The following CHD1L variants were observed in gnomAD, a reference collection of about 807,000 sequenced individuals.
CHD1L encodes the protein ATP-dependent chromatin remodeler CHD1L.
CHD1L carries 118 observed loss-of-function variants against 115.9 expected under a neutral mutation model. The ratio of observed to expected loss-of-function variants is 1.02; its 90% CI spans 0.88 to 1.19. The LOEUF is 1.19. CHD1L is among the 50% of genes most tolerant of loss of function. The pLI is 0.00. For missense variants in CHD1L, 1,179 were observed against 1,065.3 expected (o/e 1.11, Z -1.49); for synonymous variants, 411 against 387.1 (o/e 1.06, Z -0.72).
intron 2 of CHD1L, among the ~76,000 whole-genome samples, chr1:147,254,340 TAGCA>T (rs1669348872): frequency 1.9e-5 from 2 of 104,046 alleles, no homozygotes; most frequent in Non-Finnish European, 5.1e-5. Context: ...GGACAGTGCC[TAGCA>T]AATAGAAGAC....
chr1:147,264,359 G>A (rs187992727), intron 6 of CHD1L, 63 bp from the exon 7 acceptor site: 13 of 1,397,370 alleles, frequency 9.3e-6, no homozygotes. Context: ...AGGTTGTGAT[G>A]GGTAACTCAG....
chr1:147,259,815 A>G (rs1553942658), intron 5 of CHD1L, 22 bp from the exon 6 acceptor site: 1 of 1,601,240 alleles, frequency 6.2e-7, no homozygotes. Flanking sequence ...ACAAAACTGA[A>G]AGCTTGGGTT....
chr1:147,226,991 G>A, the CHD1L span, among the ~76,000 whole-genome samples: 3 of 152,012 alleles, frequency 2.0e-5, no homozygotes, highest in Non-Finnish European at 2.9e-5. Flanking sequence ...CACCACACCT[G>A]GTAATTTTTG....
intron 5 of CHD1L, among the ~76,000 whole-genome samples, chr1:147,258,458 T>G (rs1670830606): frequency 6.6e-6 from 1 of 152,180 alleles, no homozygotes; most frequent in South Asian, 2.1e-4. Flanking sequence ...CCAGGCACCA[T>G]CCTAGAGAAA....
At chr1:147,244,030 T>C (rs1370511412) in intron 1 of CHD1L, among the ~76,000 whole-genome samples, 2 of 152,230 alleles carry the variant, frequency 1.3e-5, no homozygotes, top group African/African-American at 4.8e-5. Flanking sequence ...GTAAGGAGTA[T>C]GTATCCAGTT....
At chr1:147,266,717 T>G (rs587649896) in intron 8 of CHD1L, among the ~76,000 whole-genome samples, 1 of 152,192 alleles carries the variant, frequency 6.6e-6, no homozygotes, top group Non-Finnish European at 1.5e-5. Context: ...TTGGATATTC[T>G]AAAGAAGCCA....
chr1:147,225,708 A>C, the CHD1L span: 17 of 152,412 alleles, frequency 1.1e-4, no homozygotes, highest in Admixed American at 5.9e-4. Context: ...TTCTACTCCA[A>C]ATGCTTAAAT....
chr1:147,178,098 AC>A, the CHD1L span: 2 of 1,532,012 alleles, frequency 1.3e-6, no homozygotes, highest in Non-Finnish European at 8.8e-7. Context: ...GGCTGCCCCC[AC>A]CCCACCTCGC....
the CHD1L span, among the ~76,000 whole-genome samples, chr1:147,181,383 G>A: frequency 2.0e-5 from 3 of 152,300 alleles, no homozygotes; most frequent in African/African-American, 7.2e-5. Context: ...GCTAAGCAGA[G>A]GGTGCCTATG....
chr1:147,211,050 G>C, the CHD1L span: 2 of 152,164 alleles, frequency 1.3e-5, no homozygotes. Flanking sequence ...TTAGAACTCA[G>C]CAATTGAGTT....
At chr1:147,275,198 A>C (rs1553956486) in intron 12 of CHD1L, among the ~76,000 whole-genome samples, 156 bp from the exon 13 acceptor site, 1 of 152,208 alleles carries the variant, frequency 6.6e-6, no homozygotes, top group African/African-American at 2.4e-5. Flanking sequence ...CGCTGGAACA[A>C]GGCTTTGGAG....
At chr1:147,239,128 G>T (rs10900329), upstream of CHD1L, among the ~76,000 whole-genome samples, 77,417 of 151,970 alleles carry the variant, frequency 0.51, 22,232 homozygotes, top group African/African-American at 0.77. Flanking sequence ...TTTACTTTCT[G>T]GTAATCATTT....
At chr1:147,216,723 G>A in the CHD1L span, among the ~76,000 whole-genome samples, 1 of 152,146 alleles carries the variant, frequency 6.6e-6, no homozygotes, top group East Asian at 1.9e-4. Context: ...ACCAAAGTAT[G>A]GTCTGTAGAC....
chr1:147,241,913 A>G (rs1664939290), upstream of CHD1L, among the ~76,000 whole-genome samples: 1 of 152,250 alleles, frequency 6.6e-6, no homozygotes, highest in African/African-American at 2.4e-5. Flanking sequence ...GGGGACAATT[A>G]TAACACCTAA....
chr1:147,201,108 CAT>C, the CHD1L span: 1 of 1,389,354 alleles, frequency 7.2e-7, no homozygotes, highest in South Asian at 1.3e-5. Context: ...CAGAGGTAAA[CAT>C]ATCACCAAGT....
chr1:147,286,537 AG>A, intron 18 of CHD1L, 37 bp downstream of exon 18: 1 of 1,596,858 alleles, frequency 6.3e-7, no homozygotes, highest in Non-Finnish European at 8.6e-7. Flanking sequence ...TGGGGGCCTC[AG>A]TCCTTATGGT....
upstream of CHD1L, chr1:147,242,636 C>T: frequency 4.0e-6 from 5 of 1,243,392 alleles, no homozygotes; most frequent in Non-Finnish European, 5.0e-6. Context: ...GTCGCGCGCC[C>T]CCGCGCGTTG....
chr1:147,233,903 C>G, the CHD1L span, among the ~76,000 whole-genome samples: 3 of 151,874 alleles, frequency 2.0e-5, no homozygotes, highest in Non-Finnish European at 4.4e-5. Flanking sequence ...GCAGCATGCT[C>G]GTTAAGAGTC....
intron 1 of CHD1L, among the ~76,000 whole-genome samples, chr1:147,250,972 T>C (rs913431325): frequency 9.2e-5 from 14 of 152,174 alleles, no homozygotes; most frequent in African/African-American, 2.2e-4. Flanking sequence ...CTGATGGTTT[T>C]ATAAATGGGA....
Sources: allele counts gnomAD v4.1 joint callset (sites outside exome capture counted in the v4.1 genomes callset), GRCh38; gene constraint gnomAD v4.1.1; transcripts MANE v1.5; gene names NCBI Gene and HGNC (gene_info 2026-07-23, HGNC 2026-07-21).